The following KLHL29 variants were observed in gnomAD, a reference collection of about 807,000 sequenced individuals.
KLHL29 encodes kelch like family member 29.
KLHL29 carries 21 observed loss-of-function variants against 80.4 expected under a neutral mutation model. The ratio of observed to expected loss-of-function variants is 0.26; its 90% confidence interval spans 0.19 to 0.38. The LOEUF is 0.38. Among genes scored for constraint, KLHL29 ranks in the 10% least tolerant of loss-of-function variants. KLHL29 has a pLI of 1.00. For synonymous variants in KLHL29, 511 were observed against 526.8 expected, an observed-to-expected ratio of 0.97 and a Z score of 0.41; for missense variants, 867 against 1,223.9, an observed-to-expected ratio of 0.71 and a Z score of 4.35.
chr2:23,481,956 G>A (rs1330430872), intron 2 of KLHL29, among the ~76,000 whole-genome samples: 1 of 152,034 alleles, frequency 6.6e-6, no homozygotes, highest in East Asian at 1.9e-4. Context: ...TGAGTGCTGA[G>A]ACTGGGCTGG....
At chr2:23,571,655 A>T (rs1321733262) in intron 3 of KLHL29, among the ~76,000 whole-genome samples, 2 of 152,246 alleles carry the variant, frequency 1.3e-5, no homozygotes, top group African/African-American at 2.4e-5. Flanking sequence ...CACAAGAAAA[A>T]AAGTCATCCT....
chr2:23,649,678 C>A (rs1471331702), intron 5 of KLHL29, among the ~76,000 whole-genome samples: 3 of 152,246 alleles, frequency 2.0e-5, no homozygotes, highest in Admixed American at 2.0e-4. Context: ...AGAAGCCCTG[C>A]TCTGGCCCCA....
intron 1 of KLHL29, among the ~76,000 whole-genome samples, chr2:23,456,836 A>G (rs770660965): frequency 9.9e-5 from 15 of 152,222 alleles, no homozygotes; most frequent in Non-Finnish European, 2.1e-4. Context: ...CCAGTCACCC[A>G]GGGCTGGCAA....
At chr2:23,519,838 A>G (rs996236553) in intron 2 of KLHL29, among the ~76,000 whole-genome samples, 2 of 152,194 alleles carry the variant, frequency 1.3e-5, no homozygotes, top group African/African-American at 4.8e-5. Context: ...CAGGTCCCAG[A>G]TAGGTGAGAC....
chr2:23,625,333 A>G (rs997663345), intron 3 of KLHL29, among the ~76,000 whole-genome samples: 5 of 152,244 alleles, frequency 3.3e-5, no homozygotes, highest in Non-Finnish European at 7.3e-5. Flanking sequence ...AAGTGGAACA[A>G]GCTATTTCTG....
At position 23,695,780 on chromosome 2, in the gene KLHL29, A is replaced by G; in HGVS notation, c.1700A>G (p.Gln567Arg). 1.3e-6 allele frequency: 2 copies of G among 1,551,230 alleles called. No individual in the cohort carries two copies. The highest frequency in any genetic ancestry group is 1.7e-6 in the Non-Finnish European group (2 of 1,146,970). Residue 567 changes from glutamine to arginine, a missense_variant, in exon 9 of 14, where the codon CAG becomes CGG. This residue lies in a region of KLHL29 where 443 missense variants were observed against 767.0 expected (regional missense o/e 0.58). Coordinates refer to ENST00000486442, the MANE Select transcript of KLHL29 (RefSeq NM_052920.2). The surrounding 1 kb of genome is among the most constrained non-coding windows in gnomAD (Gnocchi z 7.6). ...KRYHMLPHAR[Q>R]EMQTPRTRPR... Reference sequence around the variant, plus strand: ...TACCATATGCTGCCCCACGCCCGCCAGGAGATGCAGACGCCCCGAACCCGG... The same window carrying G: ...TACCATATGCTGCCCCACGCCCGCCGGGAGATGCAGACGCCCCGAACCCGG...
At chr2:23,645,129 A>G (rs751995506) in intron 5 of KLHL29, among the ~76,000 whole-genome samples, 8 of 152,146 alleles carry the variant, frequency 5.3e-5, no homozygotes, top group African/African-American at 7.2e-5. Context: ...TTTTTAATAT[A>G]TAAGTAATTT....
chr2:23,471,585 C>A (rs1450052308), intron 1 of KLHL29, among the ~76,000 whole-genome samples: 1 of 152,152 alleles, frequency 6.6e-6, no homozygotes, highest in Non-Finnish European at 1.5e-5. Flanking sequence ...GCTGAAAGTC[C>A]TAAGACCCCT....
chr2:23,436,035 C>T (rs898349076), intron 1 of KLHL29, among the ~76,000 whole-genome samples: 6 of 151,974 alleles, frequency 3.9e-5, no homozygotes, highest in African/African-American at 1.5e-4. Flanking sequence ...TCTTCTGCCC[C>T]GGGCTTTTCA....
intron 1 of KLHL29, among the ~76,000 whole-genome samples, chr2:23,431,922 A>AAAAAG (rs1663193881): frequency 6.8e-6 from 1 of 146,430 alleles, no homozygotes; most frequent in African/African-American, 2.5e-5. Flanking sequence ...AAAAAAAAAA[A>AAAAAG]GCAGTGAAAA....
intron 5 of KLHL29, among the ~76,000 whole-genome samples, chr2:23,676,722 C>T (rs1670932660): frequency 6.6e-6 from 1 of 152,186 alleles, no homozygotes; most frequent in Admixed American, 6.5e-5. Context: ...GAAAGAGAAA[C>T]ATTCAAAGTG....
At chr2:23,470,831 G>A (rs570112223) in intron 1 of KLHL29, among the ~76,000 whole-genome samples, 2 of 152,242 alleles carry the variant, frequency 1.3e-5, no homozygotes, top group African/African-American at 2.4e-5. Context: ...AGTGCCTTCC[G>A]GACCCCGGCT....
intron 1 of KLHL29, among the ~76,000 whole-genome samples, chr2:23,459,230 T>C (rs1308367618): frequency 6.6e-6 from 1 of 152,078 alleles, no homozygotes; most frequent in Non-Finnish European, 1.5e-5. Flanking sequence ...TTGCTTTGAT[T>C]TGTTTGGGTG....
intron 1 of KLHL29, among the ~76,000 whole-genome samples, chr2:23,448,081 A>G (rs964610937): frequency 2.6e-5 from 4 of 152,140 alleles, no homozygotes; most frequent in Non-Finnish European, 4.4e-5. Flanking sequence ...GACTTTGAAA[A>G]TACTCAAAGT....
At chr2:23,632,772 C>G (rs1038747078) in intron 3 of KLHL29, among the ~76,000 whole-genome samples, 3 of 152,216 alleles carry the variant, frequency 2.0e-5, no homozygotes, top group Non-Finnish European at 4.4e-5. Flanking sequence ...ACCAGAGCCT[C>G]CCTGTCCCAC....
intron 3 of KLHL29, among the ~76,000 whole-genome samples, chr2:23,586,816 C>T (rs1054444870): frequency 5.9e-5 from 9 of 152,172 alleles, no homozygotes; most frequent in African/African-American, 2.2e-4. Flanking sequence ...TAGCACACGC[C>T]GCATTGTAGT....
intron 5 of KLHL29, among the ~76,000 whole-genome samples, chr2:23,678,355 C>T (rs1318065489): frequency 2.0e-5 from 3 of 152,088 alleles, no homozygotes; most frequent in East Asian, 1.9e-4. Context: ...GTCCATAACT[C>T]GGGGGTGAGA....
In KLHL29 at chr2:23,697,423, AC is replaced by A. The variant is rs35634143; in HGVS notation, c.2105+913del. The A allele has an allele frequency of 4.6e-5, 7 of 152,346 alleles. No individual in the cohort carries two copies. The East Asian group carries it at 1.4e-3, about 29-fold the overall frequency. The allele number at this position is 152,346 out of a possible 1,614,324, so 9.4% of individuals were successfully genotyped here. ...TCAGGCTGACCTGGCCCAAAGCACA[AC>A]CCAGGGGAGACAGCTAAGATTGCCA... On this transcript the variant is annotated intron_variant, in intron 11 of 13. Coordinates refer to ENST00000486442, the MANE Select transcript of KLHL29 (RefSeq NM_052920.2).
chr2:23,392,234 C>T (rs1436843677), intron 1 of KLHL29, among the ~76,000 whole-genome samples: 1 of 152,204 alleles, frequency 6.6e-6, no homozygotes, highest in African/African-American at 2.4e-5. Flanking sequence ...ACTGTAGATG[C>T]CAATCCTGTT....
Sources: gnomAD v4.1 joint callset for allele counts (sites outside exome capture counted in the v4.1 genomes callset) on GRCh38, gnomAD v4.1.1 for gene constraint, gnomAD v4.1.1 regional missense constraint, Gnocchi (gnomAD v3.1) non-coding constraint, MANE v1.5 for transcripts, NCBI Gene and HGNC (gene_info 2026-07-23, HGNC 2026-07-21) for gene names.